Variants in TVP23C observed in about 807,000 individuals in gnomAD.
TVP23C encodes the protein Golgi apparatus membrane protein TVP23 homolog C.
Under a neutral mutation model 28.7 loss-of-function variants are expected in TVP23C, and 19 were observed. The observed-to-expected ratio is 0.66, with a 90% CI of 0.46 to 0.97. The LOEUF (loss-of-function observed/expected upper bound fraction) is 0.97. TVP23C is among the 50% of genes least tolerant of loss of function. TVP23C has a pLI of 0.00. For synonymous variants in TVP23C, 68 were observed against 81.7 expected, an observed-to-expected ratio of 0.83 and a Z score of 0.90; for missense variants, 186 against 241.3, an observed-to-expected ratio of 0.77 and a Z score of 1.52.
At chr17:15,560,415 A>T (rs1339761257) in intron 1 of TVP23C, among the ~76,000 whole-genome samples, 1 of 149,552 alleles carries the variant, frequency 6.7e-6, no homozygotes, top group Non-Finnish European at 1.5e-5. Context: ...GAGCAGTTCC[A>T]GTACAGTTGG....
rs1214737359 is a variant in TVP23C, at chr17:15,539,469, T to C, written c.*943A>G. On this transcript the variant is annotated 3_prime_UTR_variant, in exon 6 of 6. Transcript: ENST00000518321. ...AAAAATACAAAAAAGCCAGGCGTGGTGGCGGCGCCTGTAGTCCCAGCTACT... is the reference window on the plus strand; with the variant it reads ...AAAAATACAAAAAAGCCAGGCGTGGCGGCGGCGCCTGTAGTCCCAGCTACT... 2.6e-6 allele frequency: 1 copy of C among 385,670 alleles called. No individual in the cohort carries two copies. Among genetic ancestry groups the C allele is most frequent in the East Asian group, 1.6e-4 (1 of 6,142 alleles). 23.9% of individuals were successfully genotyped at this position (385,670 alleles called of 1,614,324 possible).
intron 3 of TVP23C, among the ~76,000 whole-genome samples, chr17:15,549,814 T>C (rs1983810012): frequency 6.6e-6 from 1 of 151,328 alleles, no homozygotes; most frequent in African/African-American, 2.4e-5. Flanking sequence ...AGCTTACAGA[T>C]CAGCAATTCA....
At chr17:15,550,744 T>C (rs906769977) in intron 3 of TVP23C, among the ~76,000 whole-genome samples, 1 of 152,216 alleles carries the variant, frequency 6.6e-6, no homozygotes, top group African/African-American at 2.4e-5. Flanking sequence ...ATATCTCATC[T>C]GATAATAATA....
chr17:15,527,082 G>C (rs1269281674), intron 5 of TVP23C, among the ~76,000 whole-genome samples: 1 of 152,138 alleles, frequency 6.6e-6, no homozygotes, highest in Non-Finnish European at 1.5e-5. Flanking sequence ...AATCAGGAGC[G>C]AGAGGGAGAT....
chr17:15,507,302 GA>G, intron 5 of TVP23C: 1 of 762,070 alleles, frequency 1.3e-6, no homozygotes, highest in Non-Finnish European at 2.4e-6. Flanking sequence ...TTCGGTCCAG[GA>G]ATGGCAAGAC....
At chr17:15,551,125 T>A (rs1258571128) in intron 3 of TVP23C, among the ~76,000 whole-genome samples, 1 of 152,086 alleles carries the variant, frequency 6.6e-6, no homozygotes, top group African/African-American at 2.4e-5. Context: ...CATTATTGTT[T>A]TTTTTTTTTG....
intron 5 of TVP23C, among the ~76,000 whole-genome samples, chr17:15,543,593 G>A (rs1983515953): frequency 6.6e-6 from 1 of 151,642 alleles, no homozygotes; most frequent in South Asian, 2.1e-4. Context: ...ACAGAGAGAA[G>A]CCTTAGCTGA....
chr17:15,510,944 C>T (rs1393741122), intron 5 of TVP23C, among the ~76,000 whole-genome samples: 2 of 150,070 alleles, frequency 1.3e-5, no homozygotes, highest in Non-Finnish European at 3.0e-5. Flanking sequence ...ATACCAGCTA[C>T]TCAGGAGGCT....
Position 15,539,664 on chromosome 17 carries a change from C to T in TVP23C, c.*748G>A. The stretch of plus-strand genomic sequence containing the variant: ...AAGAGATTTAACCAATAATTATTTA[C>T]CTATGACTACTACTCATCCTGCTGA... On this transcript the variant is annotated 3_prime_UTR_variant, in exon 6 of 6. Transcript: ENST00000518321. The T allele has an allele frequency of 1.0e-6, 1 of 984,218 alleles. No homozygotes were observed. Among genetic ancestry groups the T allele is most frequent in the Non-Finnish European group, 1.2e-6 (1 of 829,622 alleles). 61.0% of individuals were successfully genotyped at this position (984,218 alleles called of 1,614,324 possible). A position where few individuals can be genotyped will look rare whatever the true frequency, so the allele number is the denominator to read the frequency against.
At chr17:15,502,804 TCTCTC>T (rs141997438) in exon 6 of TVP23C, 29 of 1,454,724 alleles carry the variant, frequency 2.0e-5, no homozygotes, top group Middle Eastern at 2.2e-4. Context: ...CTCTCTCCTC[TCTCTC>T]CTCTCTCTCT....
At chr17:15,526,152 C>A (rs1982718090) in intron 5 of TVP23C, among the ~76,000 whole-genome samples, 1 of 152,150 alleles carries the variant, frequency 6.6e-6, no homozygotes, top group African/African-American at 2.4e-5. Flanking sequence ...GTAGACCACT[C>A]CTACATTGTT....
intron 1 of TVP23C, among the ~76,000 whole-genome samples, chr17:15,560,755 C>A (rs560381807): frequency 1.3e-5 from 2 of 149,008 alleles, no homozygotes; most frequent in Non-Finnish European, 3.0e-5. Flanking sequence ...GGGGTTTCAC[C>A]GTGTTAGCCA....
chr17:15,539,466 T>C lies in TVP23C; in HGVS notation c.*946A>G, dbSNP rs1318932981. ...ACTAAAAATACAAAAAAGCCAGGCGTGGTGGCGGCGCCTGTAGTCCCAGCT... is the reference window on the plus strand; with the variant it reads ...ACTAAAAATACAAAAAAGCCAGGCGCGGTGGCGGCGCCTGTAGTCCCAGCT... On this transcript the variant is annotated 3_prime_UTR_variant, in exon 6 of 6. Coordinates refer to ENST00000518321, the MANE Select transcript of TVP23C (RefSeq NM_001135036.2). 3 of 392,838 alleles carry C rather than the reference T, an allele frequency of 7.6e-6. No homozygotes were observed. The highest frequency in any genetic ancestry group is 1.0e-5 in the Non-Finnish European group (3 of 288,826). 24.3% of individuals were successfully genotyped at this position (392,838 alleles called of 1,614,324 possible). A position where few individuals can be genotyped will look rare whatever the true frequency, so the allele number is the denominator to read the frequency against.
Position 15,540,517 on chromosome 17 carries a change from A to G in TVP23C, c.507T>C (p.Tyr169=). Residue 169 remains tyrosine, a synonymous_variant, in exon 6 of 6, where the codon TAT becomes TAC. Transcript: ENST00000518321. The stretch of plus-strand genomic sequence containing the variant: ...TGCGCACCTTACACCTGATGTAACC[A>G]TACAGGTTGGCACCTTGTAGCACCA... ...MGVVLQGANL[Y]GYIRCKVRSR... 6.2e-7 allele frequency: 1 copy of G among 1,613,104 alleles called. No homozygotes were observed. The highest frequency in any genetic ancestry group is 1.7e-4 in the Middle Eastern group (1 of 6,054).
intron 5 of TVP23C, among the ~76,000 whole-genome samples, chr17:15,504,561 T>C (rs536300309): frequency 7.0e-6 from 1 of 141,976 alleles, no homozygotes; most frequent in Non-Finnish European, 1.5e-5. Flanking sequence ...ATCATTTTAA[T>C]AAAGACAATT....
intron 5 of TVP23C, among the ~76,000 whole-genome samples, chr17:15,518,530 G>A (rs1205219755): frequency 2.9e-4 from 44 of 152,216 alleles, no homozygotes; most frequent in Non-Finnish European, 2.9e-5. Context: ...CAGCAAAGTA[G>A]ACTGTGACTA....
chr17:15,506,365 GCACCAGTCGA>G (rs1981740935), intron 5 of TVP23C, among the ~76,000 whole-genome samples: 1 of 152,162 alleles, frequency 6.6e-6, no homozygotes, highest in African/African-American at 2.4e-5. Context: ...GTTTGTGAGT[GCACCAGTCGA>G]CACTCTGTAT....
At chr17:15,542,629 A>G (rs1597534020) in intron 5 of TVP23C, among the ~76,000 whole-genome samples, 1 of 151,982 alleles carries the variant, frequency 6.6e-6, no homozygotes, top group East Asian at 1.9e-4. Flanking sequence ...GGTGCCTGCC[A>G]CCACACCCGG....
chr17:15,561,282 G>C (rs1180075478), intron 1 of TVP23C, among the ~76,000 whole-genome samples: 4 of 152,158 alleles, frequency 2.6e-5, no homozygotes, highest in African/African-American at 9.7e-5. Context: ...GCTCGACTGA[G>C]GTTCACATCA....
Sources: gnomAD v4.1 joint callset for allele counts (sites outside exome capture counted in the v4.1 genomes callset) on GRCh38, gnomAD v4.1.1 for gene constraint, MANE v1.5 for transcripts, NCBI Gene and HGNC (gene_info 2026-07-23, HGNC 2026-07-21) for gene names.